Variants in IHO1 observed in about 807,000 individuals in gnomAD.
IHO1 encodes interactor of HORMAD1 protein 1.
In IHO1, 13 loss-of-function variants were observed where a neutral mutation model predicts 31.0. That is an observed-to-expected ratio of 0.42 (90% CI 0.27 to 0.67). The LOEUF (loss-of-function observed/expected upper bound fraction) is 0.67, where lower values mean the gene tolerates loss of function less well. Ranked by LOEUF, IHO1 falls within the 30% of genes least tolerant of loss-of-function variation. The probability of loss-of-function intolerance (pLI) is 0.24; values close to 1 mark genes in which losing one functional copy is unlikely to be tolerated. For synonymous variants in IHO1, 221 were observed against 248.4 expected (o/e 0.89, Z 1.04); for missense variants, 599 against 687.5 (o/e 0.87, Z 1.44).
intron 2 of IHO1, among the ~76,000 whole-genome samples, chr3:49,235,615 C>T (rs2107717697): frequency 6.6e-6 from 1 of 152,132 alleles, no homozygotes; most frequent in South Asian, 2.1e-4. Flanking sequence ...TAATGATGAA[C>T]AGATTGATCT....
intron 1 of IHO1, among the ~76,000 whole-genome samples, chr3:49,208,532 T>C (rs1431139970): frequency 5.3e-5 from 8 of 152,116 alleles, no homozygotes; most frequent in African/African-American, 1.9e-4. Context: ...ATGGAAAAAT[T>C]GTCTTCCACA....
Position 49,257,263 on chromosome 3 carries a change from GTGA to G in IHO1, c.1775_1777del (p.Asp592del). The G allele has an allele frequency of 1.2e-6, 2 of 1,614,002 alleles. No individual in the cohort carries two copies. The highest frequency in any genetic ancestry group is 8.5e-7 in the Non-Finnish European group (1 of 1,179,916). ...CTCTATGACCTGGGTTTTGATAGCA[GTGA>G]TGATGATGGCTTCTGACCAGTCCAC... On this transcript the variant is annotated inframe_deletion, in exon 8 of 8. Transcript: ENST00000452691.
intron 3 of IHO1, among the ~76,000 whole-genome samples, chr3:49,237,176 C>T (rs1438396143): frequency 1.3e-5 from 2 of 151,848 alleles, no homozygotes; most frequent in African/African-American, 2.4e-5. Context: ...GGTGGAACCC[C>T]GCCTCTACTA....
chr3:49,239,343 A>G (rs1201664555), intron 3 of IHO1, among the ~76,000 whole-genome samples: 1 of 146,960 alleles, frequency 6.8e-6, no homozygotes, highest in Non-Finnish European at 1.5e-5. Context: ...GTGCAGTGGC[A>G]TGATCTCAGC....
chr3:49,255,592 C>T (rs572353040), intron 7 of IHO1, 99 bp downstream of exon 7: 29 of 703,330 alleles, frequency 4.1e-5, no homozygotes, highest in Non-Finnish European at 5.5e-5. Flanking sequence ...GACAGAGTCT[C>T]GCTTTGTCGT....
intron 2 of IHO1, among the ~76,000 whole-genome samples, chr3:49,219,460 T>C (rs997190943): frequency 1.4e-4 from 21 of 152,208 alleles, no homozygotes; most frequent in Middle Eastern, 3.2e-3. Context: ...TAATATATAA[T>C]CTATAGAAAT....
At chr3:49,229,787 G>A (rs1180999114) in intron 2 of IHO1, among the ~76,000 whole-genome samples, 1 of 152,148 alleles carries the variant, frequency 6.6e-6, no homozygotes, top group East Asian at 1.9e-4. Flanking sequence ...GTTATATTTT[G>A]CATTGTGAAG....
chr3:49,202,315 T>A (rs1003291617), intron 1 of IHO1, among the ~76,000 whole-genome samples: 1 of 150,912 alleles, frequency 6.6e-6, no homozygotes, highest in Non-Finnish European at 1.5e-5. Flanking sequence ...AGAGGTTACT[T>A]CTTTTTAATT....
chr3:49,244,256 G>T (rs1211529260), intron 4 of IHO1, 148 bp from the exon 5 acceptor site: 3 of 610,658 alleles, frequency 4.9e-6, no homozygotes, highest in East Asian at 3.0e-5. Flanking sequence ...GGGCACTAAG[G>T]TTTCTCAGGG....
intron 2 of IHO1, among the ~76,000 whole-genome samples, chr3:49,234,763 T>G (rs1487531740): frequency 6.6e-6 from 1 of 152,226 alleles, no homozygotes; most frequent in Admixed American, 6.5e-5. Flanking sequence ...ACCCTCCAAT[T>G]ACTTTCTATA....
chr3:49,233,420 A>G (rs924458630), intron 2 of IHO1, among the ~76,000 whole-genome samples: 7 of 152,234 alleles, frequency 4.6e-5, no homozygotes, highest in Non-Finnish European at 5.9e-5. Context: ...AAATTAAAAG[A>G]ACAAATATTT....
upstream of IHO1, among the ~76,000 whole-genome samples, chr3:49,197,126 T>G (rs1404375466): frequency 6.8e-6 from 1 of 147,292 alleles, no homozygotes; most frequent in African/African-American, 2.5e-5. Context: ...GGCTACAGGC[T>G]CGTGCCACCA....
At chr3:49,210,110 C>T (rs1324470303) in intron 1 of IHO1, among the ~76,000 whole-genome samples, 1 of 150,936 alleles carries the variant, frequency 6.6e-6, no homozygotes, top group Non-Finnish European at 1.5e-5. Context: ...TTTACAGAAG[C>T]CTTGAATTCC....
Position 49,256,455 on chromosome 3 carries a change from G to A in IHO1, c.958G>A (p.Val320Ile). ...CTCCCTACAGCCTGGAGAATTTGAT[G>A]TCTGGGGTGAAGGAGCAAAGAATGA... ...MGSLQPGEFD[V>I]WGEGAKNDDL... is the part of the protein sequence containing the mutation. Residue 320 changes from valine to isoleucine, a missense_variant, in exon 8 of 8, where the codon GTC becomes ATC. By Grantham distance (29) the Val-to-Ile change is conservative. Coordinates refer to ENST00000452691, the MANE Select transcript of IHO1 (RefSeq NM_001135197.2). The surrounding 1 kb of genome is among the most constrained non-coding windows in gnomAD (Gnocchi z 4.6). 1 of 1,614,212 alleles carries A rather than the reference G, an allele frequency of 6.2e-7. No homozygotes were observed. The highest frequency in any genetic ancestry group is 1.6e-4 in the Middle Eastern group (1 of 6,062).
chr3:49,235,938 A>AG (rs1251366220), intron 2 of IHO1, among the ~76,000 whole-genome samples: 1 of 150,706 alleles, frequency 6.6e-6, no homozygotes, highest in Non-Finnish European at 1.5e-5. Flanking sequence ...TCAAAAAAAA[A>AG]AAAAAAAAGA....
chr3:49,225,822 C>G (rs184177379), intron 2 of IHO1, among the ~76,000 whole-genome samples: 3 of 152,134 alleles, frequency 2.0e-5, no homozygotes, highest in Non-Finnish European at 4.4e-5. Flanking sequence ...CTGAGAAGGC[C>G]GTGCCGGTGT....
chr3:49,201,712 C>T (rs902002781), intron 1 of IHO1, among the ~76,000 whole-genome samples: 3 of 152,034 alleles, frequency 2.0e-5, no homozygotes, highest in African/African-American at 7.2e-5. Context: ...AGCTCAGGAG[C>T]GTGAGACCTG....
chr3:49,249,331 C>T (rs928445124), intron 6 of IHO1, among the ~76,000 whole-genome samples: 3 of 151,342 alleles, frequency 2.0e-5, no homozygotes, highest in Non-Finnish European at 4.4e-5. Flanking sequence ...AGTGCAGTGG[C>T]GTGATCTTGG....
At chr3:49,217,558 G>A (rs570438199) in intron 2 of IHO1, among the ~76,000 whole-genome samples, 1 of 151,364 alleles carries the variant, frequency 6.6e-6, no homozygotes, top group Non-Finnish European at 1.5e-5. Context: ...GGAGTTGATG[G>A]GTGCAGCAAA....
Sources: gnomAD v4.1 joint callset for allele counts (sites outside exome capture counted in the v4.1 genomes callset) on GRCh38, gnomAD v4.1.1 for gene constraint, Gnocchi (gnomAD v3.1) non-coding constraint, MANE v1.5 for transcripts, NCBI Gene and HGNC (gene_info 2026-07-23, HGNC 2026-07-21) for gene names.